The following SUSD4 variants were observed in gnomAD, a reference collection of about 807,000 sequenced individuals.
SUSD4 encodes the protein sushi domain-containing protein 4.
Under a neutral mutation model 50.5 loss-of-function variants are expected in SUSD4, and 41 were observed. The observed-to-expected ratio is 0.81, with a 90% CI of 0.63 to 1.05. The LOEUF (loss-of-function observed/expected upper bound fraction) is 1.05. SUSD4 is among the 50% of genes least tolerant of loss of function. SUSD4 has a pLI of 0.00. For missense variants in SUSD4, 580 were observed against 634.7 expected (o/e 0.91, Z 0.93); for synonymous variants, 257 against 257.3 (o/e 1.00, Z 0.01).
At chr1:223,262,193 GA>G (rs1004512258) in intron 5 of SUSD4, among the ~76,000 whole-genome samples, 1 of 152,184 alleles carries the variant, frequency 6.6e-6, no homozygotes, top group African/African-American at 2.4e-5. Context: ...GATTGACAGT[GA>G]AAGAGGAACG....
intron 2 of SUSD4, among the ~76,000 whole-genome samples, chr1:223,344,874 T>C (rs1234478460): frequency 6.6e-6 from 1 of 152,198 alleles, no homozygotes; most frequent in Non-Finnish European, 1.5e-5. Flanking sequence ...CTCCTTGTTA[T>C]GTTCAAGGCT....
chr1:223,364,384 G>A (rs1486490311), upstream of SUSD4, among the ~76,000 whole-genome samples: 1 of 146,430 alleles, frequency 6.8e-6, no homozygotes, highest in South Asian at 2.1e-4. The surrounding 1 kb of genome is among the most constrained non-coding windows in gnomAD (Gnocchi z 4.5). Flanking sequence ...GGGCGGGGAC[G>A]GGGCGAGGGG....
rs895359392 is a variant in SUSD4, at chr1:223,332,965, C to T, written c.148+30313G>A. On this transcript the variant is annotated intron_variant, in intron 2 of 8. Transcript: ENST00000366878. The surrounding 1 kb of genome is among the most constrained non-coding windows in gnomAD (Gnocchi z 4.0). ...CTGCGTGGAAGCTGCCGCAACTGCACACCACACCCTCCTCTCCCACACAGT... is the reference window on the plus strand; with the variant it reads ...CTGCGTGGAAGCTGCCGCAACTGCATACCACACCCTCCTCTCCCACACAGT... Among the ~76,000 whole-genome samples the T allele has an allele frequency of 1.3e-5, 2 of 152,192 alleles. No homozygotes were observed. The highest frequency in any genetic ancestry group is 4.8e-5 in the African/African-American group (2 of 41,442).
chr1:223,327,518 T>C (rs1258192346), intron 2 of SUSD4, among the ~76,000 whole-genome samples: 1 of 152,142 alleles, frequency 6.6e-6, no homozygotes, highest in Non-Finnish European at 1.5e-5. Context: ...GAAAATGACC[T>C]TCCTATTACA....
chr1:223,340,368 C>A (rs144835994), intron 2 of SUSD4, among the ~76,000 whole-genome samples: 2 of 152,324 alleles, frequency 1.3e-5, no homozygotes, highest in Non-Finnish European at 2.9e-5. Context: ...CTGATAGATA[C>A]AAAAAGATGC....
At chr1:223,307,846 T>C (rs1207541254) in intron 2 of SUSD4, among the ~76,000 whole-genome samples, 1 of 152,160 alleles carries the variant, frequency 6.6e-6, no homozygotes, top group Admixed American at 6.5e-5. Flanking sequence ...TTTTAAAGAT[T>C]AGCTTGAGGA....
intron 4 of SUSD4, among the ~76,000 whole-genome samples, chr1:223,267,636 T>C (rs1341709310): frequency 6.6e-6 from 1 of 152,106 alleles, no homozygotes; most frequent in Non-Finnish European, 1.5e-5. Flanking sequence ...GGGTCACGAC[T>C]TTTAAGCTCT....
chr1:223,271,933 A>G (rs1412989462), intron 3 of SUSD4, among the ~76,000 whole-genome samples: 2 of 152,228 alleles, frequency 1.3e-5, no homozygotes, highest in Admixed American at 1.3e-4. Flanking sequence ...TAATCTAGTC[A>G]ATAGAAAGAA....
At chr1:223,297,026 C>T (rs1468953602) in intron 2 of SUSD4, among the ~76,000 whole-genome samples, 2 of 152,166 alleles carry the variant, frequency 1.3e-5, no homozygotes, top group African/African-American at 4.8e-5. Flanking sequence ...AAGACCTGAC[C>T]AGTGTCCCCA....
At position 223,332,208 on chromosome 1, in the gene SUSD4, T is replaced by G. The variant is rs928035821; in HGVS notation, c.148+31070A>C. The stretch of plus-strand genomic sequence containing the variant: ...ATGCTCTGTGTAGCCATAAAATACC[T>G]AAGATGTGGTTCATAAAATATTTGG... On this transcript the variant is annotated intron_variant, in intron 2 of 8. Transcript: ENST00000366878. This position sits in a 1 kb window ranked among gnomAD's most constrained non-coding sequence, Gnocchi z 4.0. 1.3e-5 allele frequency among the ~76,000 whole-genome samples: 2 copies of G among 152,172 alleles called. No individual in the cohort carries two copies. Among genetic ancestry groups the G allele is most frequent in the Admixed American group, 1.3e-4 (2 of 15,280 alleles).
chr1:223,221,930 C>A lies in SUSD4; in HGVS notation c.*262G>T. 2.2e-6 allele frequency: 1 copy of A among 445,256 alleles called. No homozygotes were observed. The highest frequency in any genetic ancestry group is 4.0e-5 in the Admixed American group (1 of 25,052). 27.6% of individuals were successfully genotyped at this position (445,256 alleles called of 1,614,324 possible). A position where few individuals can be genotyped will look rare whatever the true frequency, so the allele number is the denominator to read the frequency against. ...CCACAGCACGATACACATTTAACAC[C>A]CCTCATCCAAGACCACGCGAGGGCT... On this transcript the variant is annotated 3_prime_UTR_variant, in exon 9 of 9. Transcript: ENST00000366878.
At position 223,229,192 on chromosome 1, in the gene SUSD4, C is replaced by A; in HGVS notation, c.916+5G>T. ...CTCCTCCAAGGGTGAGGCCTTCAGT[C>A]TTACCTGATTTGATGCAGTAGACTT... On this transcript the variant is annotated splice_donor_5th_base_variant and intron_variant, in intron 6 of 8. Coordinates refer to ENST00000366878, the MANE Select transcript of SUSD4 (RefSeq NM_017982.4). This position sits in a 1 kb window ranked among gnomAD's most constrained non-coding sequence, Gnocchi z 4.7. The A allele has an allele frequency of 6.3e-7, 1 of 1,594,446 alleles. No individual in the cohort carries two copies. Among genetic ancestry groups the A allele is most frequent in the South Asian group, 1.1e-5 (1 of 90,412 alleles).
intron 3 of SUSD4, among the ~76,000 whole-genome samples, chr1:223,272,940 T>C (rs921307340): frequency 2.1e-4 from 32 of 152,228 alleles, no homozygotes; most frequent in African/African-American, 7.7e-4. Flanking sequence ...CAGCTAAAGG[T>C]GCTAGAAAGT....
At chr1:223,280,787 C>A (rs1180407550) in intron 3 of SUSD4, among the ~76,000 whole-genome samples, 2 of 152,154 alleles carry the variant, frequency 1.3e-5, no homozygotes, top group East Asian at 1.9e-4. Context: ...AATATACATT[C>A]TTTTCAGCAC....
intron 4 of SUSD4, among the ~76,000 whole-genome samples, chr1:223,265,798 G>A (rs1191831902): frequency 2.6e-5 from 4 of 152,222 alleles, no homozygotes; most frequent in African/African-American, 4.8e-5. Flanking sequence ...TTTCACTGGA[G>A]AGAATAATGA....
At chr1:223,344,597 G>T (rs551866093) in intron 2 of SUSD4, among the ~76,000 whole-genome samples, 1 of 151,778 alleles carries the variant, frequency 6.6e-6, no homozygotes, top group Non-Finnish European at 1.5e-5. Flanking sequence ...GACAATGTTC[G>T]CTTTCCTTAT....
intron 5 of SUSD4, among the ~76,000 whole-genome samples, chr1:223,230,229 G>A (rs997736585): frequency 3.9e-5 from 6 of 152,080 alleles, no homozygotes; most frequent in Non-Finnish European, 8.8e-5. Flanking sequence ...GCTTCAGTGG[G>A]AGTTCGGTGC....
chr1:223,361,521 G>T (rs557805822), intron 2 of SUSD4, among the ~76,000 whole-genome samples: 1 of 152,106 alleles, frequency 6.6e-6, no homozygotes, highest in Non-Finnish European at 1.5e-5. Context: ...CATGCTATAG[G>T]AACCTCATAG....
chr1:223,238,637 A>T (rs961201482), intron 5 of SUSD4, among the ~76,000 whole-genome samples: 4 of 151,766 alleles, frequency 2.6e-5, no homozygotes, highest in Admixed American at 6.6e-5. Flanking sequence ...GCATTTTGAG[A>T]TTTTCCTATT....
Sources: allele counts gnomAD v4.1 joint callset (sites outside exome capture counted in the v4.1 genomes callset), GRCh38; gene constraint gnomAD v4.1.1; non-coding constraint Gnocchi (gnomAD v3.1); transcripts MANE v1.5; gene names NCBI Gene and HGNC (gene_info 2026-07-23, HGNC 2026-07-21).